SFMBT2: variants seen among roughly 807,000 people sequenced by gnomAD.
The protein encoded by SFMBT2 is scm-like with four MBT domains protein 2.
Under a neutral mutation model 110.1 loss-of-function variants are expected in SFMBT2, and 38 were observed. The observed-to-expected ratio is 0.35, with a 90% CI of 0.27 to 0.45. SFMBT2 has a LOEUF of 0.45. Ranked by LOEUF, SFMBT2 falls within the 20% of genes least tolerant of loss-of-function variation. SFMBT2 has a pLI of 1.00. For synonymous variants in SFMBT2, 425 were observed against 425.4 expected (o/e 1.00, Z 0.01); for missense variants, 1,011 against 1,094.9 (o/e 0.92, Z 1.08).
At chr10:7,295,555 T>C (rs970451092) in intron 4 of SFMBT2, among the ~76,000 whole-genome samples, 2 of 152,250 alleles carry the variant, frequency 1.3e-5, no homozygotes, top group African/African-American at 4.8e-5. Flanking sequence ...ATAATATTCA[T>C]TGCACAGACC....
At chr10:7,265,074 T>C (rs1758506453) in intron 7 of SFMBT2, among the ~76,000 whole-genome samples, 1 of 152,074 alleles carries the variant, frequency 6.6e-6, no homozygotes, top group South Asian at 2.1e-4. Context: ...TTTGTTTTTG[T>C]TTTGTTTTTT....
chr10:7,313,445 G>C (rs962977529), intron 4 of SFMBT2, among the ~76,000 whole-genome samples: 1 of 152,118 alleles, frequency 6.6e-6, no homozygotes, highest in South Asian at 2.1e-4. Flanking sequence ...AGCCTCCCAA[G>C]TAGCTGGGAG....
intron 4 of SFMBT2, among the ~76,000 whole-genome samples, chr10:7,310,891 C>G (rs1842833956): frequency 6.6e-6 from 1 of 151,914 alleles, no homozygotes; most frequent in Admixed American, 6.6e-5. Flanking sequence ...ACTAAAAATA[C>G]AAAAAATTAA....
chr10:7,197,769 A>T (rs1838824148), intron 14 of SFMBT2, 82 bp from the exon 15 acceptor site: 1 of 1,521,856 alleles, frequency 6.6e-7, no homozygotes, highest in Non-Finnish European at 8.8e-7. Context: ...CTTCATCCAC[A>T]TGGTCAGGGA....
At chr10:7,227,818 T>A (rs1327625392) in intron 10 of SFMBT2, 37 bp downstream of exon 10, 3 of 1,569,210 alleles carry the variant, frequency 1.9e-6, no homozygotes, top group African/African-American at 1.4e-5. Context: ...ACAAAATCTA[T>A]GATTTTTAAA....
At chr10:7,347,773 C>T (rs976490749) in intron 4 of SFMBT2, among the ~76,000 whole-genome samples, 5 of 152,072 alleles carry the variant, frequency 3.3e-5, no homozygotes, top group South Asian at 2.1e-4. Flanking sequence ...GGAAGGGCCA[C>T]GGCCAATTAT....
rs1197973810 is a variant in SFMBT2, at chr10:7,160,127, C to T, written c.*3643G>A. On this transcript the variant is annotated 3_prime_UTR_variant, in exon 21 of 21. Coordinates refer to ENST00000397167, the MANE Select transcript of SFMBT2 (RefSeq NM_001387889.1). ...CGTGCAGCTCAAATACTGTGTCTGA[C>T]TCCAACTTGGATCAAATGACTCTAA... The T allele has an allele frequency of 6.6e-6, 1 of 152,206 alleles. No individual in the cohort carries two copies. The highest frequency in any genetic ancestry group is 1.9e-4 in the East Asian group (1 of 5,196). 9.4% of individuals were successfully genotyped at this position (152,206 alleles called of 1,614,324 possible). A position where few individuals can be genotyped will look rare whatever the true frequency, so the allele number is the denominator to read the frequency against.
chr10:7,301,672 A>G lies in SFMBT2; in HGVS notation c.437-15718T>C, dbSNP rs1025211631. ...AGGAGCTGCAGCTCCAAGTTGGGCC[A>G]TTTACTATTCTGAAACGCAGAAACT... On this transcript the variant is annotated intron_variant, in intron 4 of 20. Coordinates refer to ENST00000397167, the MANE Select transcript of SFMBT2 (RefSeq NM_001387889.1). The surrounding 1 kb of genome is among the most constrained non-coding windows in gnomAD (Gnocchi z 4.2). 1.3e-5 allele frequency among the ~76,000 whole-genome samples: 2 copies of G among 152,138 alleles called. No individual in the cohort carries two copies. The highest frequency in any genetic ancestry group is 6.5e-5 in the Admixed American group (1 of 15,274).
rs1842566998 is a variant in SFMBT2, at chr10:7,301,847, A to T, written c.437-15893T>A. ...TGGCTCTAGACTATCGAAGGGGAAA[A>T]AAAACCACTGGTGTAGAATTTTTTA... is the stretch of plus-strand genomic sequence containing the variant. On this transcript the variant is annotated intron_variant, in intron 4 of 20. Transcript: ENST00000397167. This position sits in a 1 kb window ranked among gnomAD's most constrained non-coding sequence, Gnocchi z 4.2. 6.6e-6 allele frequency among the ~76,000 whole-genome samples: 1 copy of T among 152,132 alleles called. No individual in the cohort carries two copies. Among genetic ancestry groups the T allele is most frequent in the South Asian group, 2.1e-4 (1 of 4,818 alleles).
chr10:7,380,555 C>T (rs750908002), intron 2 of SFMBT2, among the ~76,000 whole-genome samples: 20 of 152,116 alleles, frequency 1.3e-4, no homozygotes, highest in Non-Finnish European at 2.5e-4. Flanking sequence ...TAACTTAATG[C>T]GCAACATTTT....
chr10:7,202,879 A>G lies in SFMBT2; in HGVS notation c.1445-357T>C. 6.1e-6 allele frequency: 6 copies of G among 985,468 alleles called. No homozygotes were observed. In the South Asian group the frequency reaches 2.8e-4, roughly 46 times the overall value. The allele number at this position is 985,468 out of a possible 1,614,324, so 61.0% of individuals were successfully genotyped here. A position where few individuals can be genotyped will look rare whatever the true frequency, so the allele number is the denominator to read the frequency against. On this transcript the variant is annotated intron_variant, in intron 12 of 20. Coordinates refer to ENST00000397167, the MANE Select transcript of SFMBT2 (RefSeq NM_001387889.1). ...AGTTATCCGGAATGATTTTTTTCCA[A>G]TAAAAATTGTGATGAAGCAAATCAT...
intron 13 of SFMBT2, among the ~76,000 whole-genome samples, chr10:7,202,111 T>A (rs778577930): frequency 2.0e-5 from 3 of 152,184 alleles, no homozygotes; most frequent in Non-Finnish European, 2.9e-5. Flanking sequence ...AGCAGCAGCA[T>A]TCTGAGTGTG....
intron 10 of SFMBT2, 102 bp downstream of exon 10, chr10:7,227,753 G>A: frequency 2.0e-6 from 2 of 990,694 alleles, no homozygotes; most frequent in Non-Finnish European, 3.1e-6. Context: ...CCAGTGCACT[G>A]TAATACTCCA....
At position 7,301,579 on chromosome 10, in the gene SFMBT2, T is replaced by A. The variant is rs1588430914; in HGVS notation, c.437-15625A>T. On this transcript the variant is annotated intron_variant, in intron 4 of 20. Coordinates refer to ENST00000397167, the MANE Select transcript of SFMBT2 (RefSeq NM_001387889.1). The surrounding 1 kb of genome is among the most constrained non-coding windows in gnomAD (Gnocchi z 4.2). ...GGGCAGGTCCCCGGGGCCGGCAAAT[T>A]CGCGGAACACCAGCCAGGGGCATCT... 6.6e-6 allele frequency among the ~76,000 whole-genome samples: 1 copy of A among 152,096 alleles called. No homozygotes were observed. Among genetic ancestry groups the A allele is most frequent in the Admixed American group, 6.5e-5 (1 of 15,270 alleles).
intron 11 of SFMBT2, chr10:7,206,711 A>G: frequency 1.1e-5 from 8 of 729,410 alleles, no homozygotes; most frequent in Non-Finnish European, 1.3e-5. Context: ...AGACAAGAAG[A>G]CTGGATTTAA....
chr10:7,265,849 G>A (rs1455302587), intron 7 of SFMBT2, among the ~76,000 whole-genome samples: 1 of 152,126 alleles, frequency 6.6e-6, no homozygotes, highest in Non-Finnish European at 1.5e-5. Flanking sequence ...TGATGTCCTG[G>A]GTACTGCGGA....
At chr10:7,268,292 A>G (rs777028343) in intron 7 of SFMBT2, among the ~76,000 whole-genome samples, 1 of 152,226 alleles carries the variant, frequency 6.6e-6, no homozygotes, top group African/African-American at 2.4e-5. Flanking sequence ...TGACCAAAAG[A>G]CTGAGTCTGT....
chr10:7,273,116 A>G (rs1280951888), intron 7 of SFMBT2, among the ~76,000 whole-genome samples: 3 of 152,198 alleles, frequency 2.0e-5, no homozygotes, highest in African/African-American at 7.2e-5. Flanking sequence ...GATTCTTGAG[A>G]CAAATGATAG....
intron 9 of SFMBT2, among the ~76,000 whole-genome samples, chr10:7,237,616 T>A (rs1276152603): frequency 6.6e-6 from 1 of 152,114 alleles, no homozygotes; most frequent in Non-Finnish European, 1.5e-5. Flanking sequence ...AGAGCTTCAA[T>A]TCATTCAACC....
Sources: gnomAD v4.1 joint callset for allele counts (sites outside exome capture counted in the v4.1 genomes callset) on GRCh38, gnomAD v4.1.1 for gene constraint, Gnocchi (gnomAD v3.1) non-coding constraint, MANE v1.5 for transcripts, NCBI Gene and HGNC (gene_info 2026-07-23, HGNC 2026-07-21) for gene names.